TACR3: variants seen among roughly 807,000 people sequenced by gnomAD.
The protein encoded by TACR3 is neuromedin-K receptor.
In TACR3, 34 loss-of-function variants were observed where a neutral mutation model predicts 35.0. The observed-to-expected ratio is 0.97, with a 90% CI of 0.74 to 1.30. The LOEUF (loss-of-function observed/expected upper bound fraction) is 1.30, where lower values mean the gene tolerates loss of function less well. TACR3 is among the 50% of genes most tolerant of loss of function. The probability of loss-of-function intolerance (pLI) is 0.00; values close to 1 mark genes in which losing one functional copy is unlikely to be tolerated. For synonymous variants in TACR3, 233 were observed against 221.1 expected (o/e 1.05, Z -0.48); for missense variants, 558 against 591.7 (o/e 0.94, Z 0.59).
At chr4:103,600,255 A>G (rs1166464564) in intron 3 of TACR3, among the ~76,000 whole-genome samples, 4 of 152,200 alleles carry the variant, frequency 2.6e-5, no homozygotes, top group Non-Finnish European at 1.5e-5. Flanking sequence ...AGGTATTTAT[A>G]GTATCCTCTG....
intron 1 of TACR3, among the ~76,000 whole-genome samples, chr4:103,696,456 A>AGTT (rs1722522469): frequency 6.6e-6 from 1 of 152,214 alleles, no homozygotes. Context: ...TATCACAAAT[A>AGTT]GTTTGAACAG....
rs996970812 is a variant in TACR3, at chr4:103,596,321, G to A, written c.889-4638C>T. Among the ~76,000 whole-genome samples the A allele has an allele frequency of 3.3e-5, 5 of 151,948 alleles. No homozygotes were observed. The East Asian group carries it at 5.8e-4, about 18-fold the overall frequency. The stretch of plus-strand genomic sequence containing the variant: ...TCTAGTTCTACATCCCTGAGGAATC[G>A]CCACACTGACTTCCACAATGGTTGA... On this transcript the variant is annotated intron_variant, in intron 3 of 4. Transcript: ENST00000304883.
At position 103,719,539 on chromosome 4, in the gene TACR3, T is replaced by C; in HGVS notation, c.137A>G (p.Asp46Gly). The C allele has an allele frequency of 6.2e-7, 1 of 1,608,292 alleles. No individual in the cohort carries two copies. The highest frequency in any genetic ancestry group is 8.5e-7 in the Non-Finnish European group (1 of 1,175,720). ...GGAGGAGGAGAGGTTGCCAGCTTGG[T>C]CCAGCAGTTGCAGCCACCCAGTCTC... is the stretch of plus-strand genomic sequence containing the variant. ...AVETGWLQLLDQAGNLSSSPS... is the reference protein window; with the variant it reads ...AVETGWLQLLGQAGNLSSSPS... The change falls in exon 1 of 5, where the codon GAC becomes GGC. Residue 46 changes from aspartate to glycine, a missense_variant. By Grantham distance (94) the Asp-to-Gly change is moderately conservative (BLOSUM62 -1). Transcript: ENST00000304883.
chr4:103,629,462 G>A (rs1724991887), intron 3 of TACR3, among the ~76,000 whole-genome samples: 1 of 152,116 alleles, frequency 6.6e-6, no homozygotes, highest in Admixed American at 6.6e-5. Context: ...CAAAATCAAT[G>A]TGCAAAAATC....
chr4:103,689,237 CTG>C (rs1227782229), intron 1 of TACR3, among the ~76,000 whole-genome samples: 1 of 113,316 alleles, frequency 8.8e-6, no homozygotes, highest in East Asian at 2.6e-4. Flanking sequence ...ACATCACACT[CTG>C]GGGACTGTTG....
At chr4:103,627,352 T>TA (rs869215834) in intron 3 of TACR3, among the ~76,000 whole-genome samples, 1,023 of 82,396 alleles carry the variant, frequency 0.012, 18 homozygotes, top group African/African-American at 0.031. Context: ...GTGTTTCCAT[T>TA]AAAAAAAAAA....
intron 3 of TACR3, among the ~76,000 whole-genome samples, chr4:103,627,172 A>ACTC (rs374502474): frequency 1.0e-4 from 11 of 106,060 alleles, no homozygotes; most frequent in African/African-American, 4.4e-4. Context: ...ACGGTGTGAG[A>ACTC]CTCCGTCTCA....
At chr4:103,611,361 GTTACT>G (rs576535224) in intron 3 of TACR3, among the ~76,000 whole-genome samples, 1 of 152,062 alleles carries the variant, frequency 6.6e-6, no homozygotes, top group Non-Finnish European at 1.5e-5. Flanking sequence ...TTTAGTCCTA[GTTACT>G]TTATTTTTTT....
At chr4:103,659,739 A>G (rs1225130940) in intron 1 of TACR3, among the ~76,000 whole-genome samples, 2 of 152,196 alleles carry the variant, frequency 1.3e-5, no homozygotes, top group African/African-American at 4.8e-5. Flanking sequence ...GGAAGTTAGG[A>G]ATTCTGTAAA....
intron 1 of TACR3, among the ~76,000 whole-genome samples, chr4:103,707,958 G>A (rs1722835689): frequency 6.6e-6 from 1 of 152,210 alleles, no homozygotes; most frequent in African/African-American, 2.4e-5. Flanking sequence ...TGCTGGAGGG[G>A]CACCCGCCAT....
At chr4:103,646,912 A>T (rs1383384771) in intron 3 of TACR3, among the ~76,000 whole-genome samples, 2 of 151,988 alleles carry the variant, frequency 1.3e-5, no homozygotes, top group Admixed American at 6.6e-5. Context: ...CTTAGGGAAC[A>T]GTATGATATA....
Position 103,640,422 on chromosome 4 carries a change from TAG to T in TACR3, c.888+15770_888+15771del, listed in dbSNP as rs1435460213. ...TGCACTTCCCTAATGATTAGTGATG[TAG>T]AGAGTTTTTTTTCACATATTTGTTG... is the stretch of plus-strand genomic sequence containing the variant. On this transcript the variant is annotated intron_variant, in intron 3 of 4. Coordinates refer to ENST00000304883, the MANE Select transcript of TACR3 (RefSeq NM_001059.3). 2.3e-5 allele frequency among the ~76,000 whole-genome samples: 3 copies of T among 128,250 alleles called. No homozygotes were observed. In the East Asian group the frequency reaches 7.0e-4, roughly 30 times the overall value. The allele number at this position is 128,250 out of a possible 152,430, so 84.1% of individuals were successfully genotyped here.
intron 2 of TACR3, among the ~76,000 whole-genome samples, chr4:103,657,533 G>T (rs545669789): frequency 5.9e-5 from 9 of 151,802 alleles, no homozygotes; most frequent in Non-Finnish European, 1.0e-4. Context: ...TGCACCATTT[G>T]TTATTTTTAA....
chr4:103,597,561 C>T (rs185524684), intron 3 of TACR3, among the ~76,000 whole-genome samples: 1,873 of 152,120 alleles, frequency 0.012, 38 homozygotes, highest in African/African-American at 0.043. Context: ...CCCATTAACT[C>T]GTCATTTACA....
At chr4:103,701,660 C>T (rs2110223914) in intron 1 of TACR3, among the ~76,000 whole-genome samples, 1 of 152,224 alleles carries the variant, frequency 6.6e-6, no homozygotes, top group East Asian at 1.9e-4. Flanking sequence ...TACTACAAGG[C>T]TACAGTAACC....
chr4:103,688,288 A>G (rs1228306864), intron 1 of TACR3, among the ~76,000 whole-genome samples: 1 of 152,220 alleles, frequency 6.6e-6, no homozygotes, highest in Non-Finnish European at 1.5e-5. Context: ...CTAAAACCAT[A>G]AAAACCCTAG....
intron 4 of TACR3, among the ~76,000 whole-genome samples, chr4:103,590,379 GAT>G (rs1373672305): frequency 6.6e-6 from 1 of 152,024 alleles, no homozygotes; most frequent in African/African-American, 2.4e-5. Flanking sequence ...ACTTAAAAAT[GAT>G]ATATTTCAAA....
rs1044074667 is a variant in TACR3 at position 103,587,067 on chromosome 4, C to G, written c.*2615G>C. On this transcript the variant is annotated 3_prime_UTR_variant, in exon 5 of 5. Coordinates refer to ENST00000304883, the MANE Select transcript of TACR3 (RefSeq NM_001059.3). ...CCTTCAAACAATGGAAAGATTCATACTGAACTTTAGAAACAGAGGGTAGAG... is the reference window on the plus strand; with the variant it reads ...CCTTCAAACAATGGAAAGATTCATAGTGAACTTTAGAAACAGAGGGTAGAG... 6.6e-6 allele frequency: 1 copy of G among 152,000 alleles called. No homozygotes were observed. The highest frequency in any genetic ancestry group is 1.5e-5 in the Non-Finnish European group (1 of 68,006). The allele number at this position is 152,000 out of a possible 1,614,324, so 9.4% of individuals were successfully genotyped here. A position where few individuals can be genotyped will look rare whatever the true frequency, so the allele number is the denominator to read the frequency against.
chr4:103,672,075 T>C (rs1726067783), intron 1 of TACR3, among the ~76,000 whole-genome samples: 1 of 152,174 alleles, frequency 6.6e-6, no homozygotes, highest in Admixed American at 6.5e-5. Flanking sequence ...TAAACCACTT[T>C]CTTTGTTCAT....
Sources: gnomAD v4.1 joint callset for allele counts (sites outside exome capture counted in the v4.1 genomes callset) on GRCh38, gnomAD v4.1.1 for gene constraint, MANE v1.5 for transcripts, NCBI Gene and HGNC (gene_info 2026-07-23, HGNC 2026-07-21) for gene names.